The following PLEKHG1 variants were observed in gnomAD, a reference collection of about 807,000 sequenced individuals.
PLEKHG1 encodes the protein pleckstrin homology and RhoGEF domain containing G1.
A neutral mutation model predicts 100.8 loss-of-function variants in PLEKHG1; 44 were observed. The ratio of observed to expected loss-of-function variants is 0.44; its 90% CI spans 0.34 to 0.56. PLEKHG1 has a LOEUF of 0.56. PLEKHG1 is among the 20% of genes least tolerant of loss of function. PLEKHG1 has a pLI of 0.01. For synonymous variants in PLEKHG1, 640 were observed against 662.5 expected (o/e 0.97, Z 0.52); for missense variants, 1,545 against 1,720.9 (o/e 0.90, Z 1.81).
intron 1 of PLEKHG1, among the ~76,000 whole-genome samples, chr6:150,730,756 A>G (rs1782206648): frequency 6.6e-6 from 1 of 152,090 alleles, no homozygotes; most frequent in South Asian, 2.1e-4. Flanking sequence ...TATAAAAATT[A>G]GCTGGGCGTG....
At chr6:150,623,927 C>T (rs1472057442) in intron 1 of PLEKHG1, among the ~76,000 whole-genome samples, 1 of 152,160 alleles carries the variant, frequency 6.6e-6, no homozygotes, top group Admixed American at 6.5e-5. Context: ...CTTAAATCTC[C>T]AGTTAAGCTG....
At chr6:150,778,031 C>T (rs1785092376) in intron 3 of PLEKHG1, among the ~76,000 whole-genome samples, 2 of 152,226 alleles carry the variant, frequency 1.3e-5, no homozygotes, top group African/African-American at 4.8e-5. Flanking sequence ...TTCCTCTATC[C>T]CACCACACTC....
chr6:150,827,308 G>A lies in PLEKHG1; in HGVS notation c.1471-3274G>A, dbSNP rs374778668. ...TTTTTTTTTTTTGAGATAGAGTTTC[G>A]CTCTTGTTGCCCAGGCTGGAGTGCA... On this transcript the variant is annotated intron_variant, in intron 14 of 15. Coordinates refer to ENST00000358517, the Ensembl canonical transcript of PLEKHG1. 5.0e-4 allele frequency among the ~76,000 whole-genome samples: 70 copies of A among 139,180 alleles called. 3 individuals carry two copies. In the South Asian group the frequency reaches 0.012, roughly 23 times the overall value. The allele number at this position is 139,180 out of a possible 152,430, so 91.3% of individuals were successfully genotyped here.
intron 1 of PLEKHG1, among the ~76,000 whole-genome samples, chr6:150,632,522 C>A (rs553829671): frequency 6.6e-6 from 1 of 152,224 alleles, no homozygotes; most frequent in African/African-American, 2.4e-5. Context: ...GGCCCCCAGG[C>A]GAGTGTTGCC....
intron 2 of PLEKHG1, among the ~76,000 whole-genome samples, chr6:150,761,109 T>C (rs1389237097): frequency 7.0e-6 from 1 of 142,476 alleles, no homozygotes; most frequent in African/African-American, 2.6e-5. Context: ...CTTTTTTTTT[T>C]TTTTTTTTTT....
chr6:150,698,176 T>C (rs1248729934), intron 3 of PLEKHG1, among the ~76,000 whole-genome samples: 2 of 152,232 alleles, frequency 1.3e-5, no homozygotes, highest in African/African-American at 4.8e-5. Flanking sequence ...ATATACCTCA[T>C]TCATGTAGCC....
intron 1 of PLEKHG1, among the ~76,000 whole-genome samples, chr6:150,630,385 G>A (rs1303006848): frequency 6.6e-6 from 1 of 152,250 alleles, no homozygotes; most frequent in Admixed American, 6.5e-5. Flanking sequence ...GGATCAGGGT[G>A]AAAACTGAAG....
chr6:150,793,362 T>C (rs965142560), intron 4 of PLEKHG1, among the ~76,000 whole-genome samples: 3 of 152,172 alleles, frequency 2.0e-5, no homozygotes, highest in Non-Finnish European at 1.5e-5. Flanking sequence ...TGACCACCAC[T>C]GTACTCCAGA....
At chr6:150,689,081 C>G (rs1241429523) in intron 3 of PLEKHG1, among the ~76,000 whole-genome samples, 1 of 152,178 alleles carries the variant, frequency 6.6e-6, no homozygotes. Context: ...TTTTCTGTCT[C>G]TATGAATTTG....
At chr6:150,768,763 T>A in intron 3 of PLEKHG1, 25 bp downstream of exon 4, 1 of 1,284,714 alleles carries the variant, frequency 7.8e-7, no homozygotes, top group Non-Finnish European at 1.1e-6. Flanking sequence ...AAAAGATTGT[T>A]CTCACATACG....
chr6:150,620,577 G>A (rs1777257208), intron 1 of PLEKHG1, among the ~76,000 whole-genome samples: 1 of 152,192 alleles, frequency 6.6e-6, no homozygotes, highest in Non-Finnish European at 1.5e-5. Context: ...CCAATTGTGT[G>A]TTCTGTTTTG....
At chr6:150,694,624 T>C (rs1019806892) in intron 3 of PLEKHG1, among the ~76,000 whole-genome samples, 2 of 150,132 alleles carry the variant, frequency 1.3e-5, no homozygotes, top group African/African-American at 2.5e-5. Context: ...TGCTTGAACC[T>C]GGGAGGCAAA....
At chr6:150,760,345 G>A (rs765293233) in intron 2 of PLEKHG1, among the ~76,000 whole-genome samples, 1 of 152,008 alleles carries the variant, frequency 6.6e-6, no homozygotes, top group Non-Finnish European at 1.5e-5. Context: ...AGAGTAAAAA[G>A]GTAGTTTAAA....
chr6:150,806,223 C>CTTTTTTTTT (rs58040509), intron 7 of PLEKHG1, among the ~76,000 whole-genome samples: 2 of 89,764 alleles, frequency 2.2e-5, no homozygotes, highest in African/African-American at 4.0e-5. Context: ...TTCCAGGCTG[C>CTTTTTTTTT]TTTTTTTTTT....
At chr6:150,670,674 A>G (rs1388913967) in intron 3 of PLEKHG1, among the ~76,000 whole-genome samples, 1 of 152,226 alleles carries the variant, frequency 6.6e-6, no homozygotes, top group African/African-American at 2.4e-5. Context: ...GAGCATACAT[A>G]GATAGCTAAA....
chr6:150,708,081 A>G (rs1391074843), intron 3 of PLEKHG1, among the ~76,000 whole-genome samples: 2 of 152,052 alleles, frequency 1.3e-5, no homozygotes, highest in East Asian at 3.9e-4. Flanking sequence ...TCTTTTCCTT[A>G]TGGGAAAAGG....
At chr6:150,745,457 T>C (rs535151250) in intron 2 of PLEKHG1, among the ~76,000 whole-genome samples, 30 of 152,170 alleles carry the variant, frequency 2.0e-4, no homozygotes, top group Admixed American at 7.8e-4. Flanking sequence ...CCGAGGCAGG[T>C]GGTTCACTTC....
At chr6:150,841,067 C>T (rs776812118) in exon 16 of PLEKHG1, 29 of 703,458 alleles carry the variant, frequency 4.1e-5, no homozygotes, top group Non-Finnish European at 6.5e-5. Flanking sequence ...CGATGCAGCC[C>T]GGATTGTACT....
intron 1 of PLEKHG1, among the ~76,000 whole-genome samples, chr6:150,635,063 A>G (rs369405096): frequency 2.4e-4 from 37 of 152,198 alleles, no homozygotes; most frequent in African/African-American, 8.2e-4. Context: ...ATCACCAGGA[A>G]CCAAAGGAAA....
Sources: allele counts gnomAD v4.1 joint callset (sites outside exome capture counted in the v4.1 genomes callset), GRCh38; gene constraint gnomAD v4.1.1; transcripts MANE v1.5; gene names NCBI Gene and HGNC (gene_info 2026-07-23, HGNC 2026-07-21).